CNTFR: variants seen among roughly 807,000 people sequenced by gnomAD.
The protein encoded by CNTFR is ciliary neurotrophic factor receptor subunit alpha.
Under a neutral mutation model 40.4 loss-of-function variants are expected in CNTFR, and 12 were observed. The ratio of observed to expected loss-of-function variants is 0.30; its 90% CI spans 0.19 to 0.48. The LOEUF (loss-of-function observed/expected upper bound fraction) is 0.48, where lower values mean the gene tolerates loss of function less well. CNTFR is among the 20% of genes least tolerant of loss of function. The pLI, the probability that CNTFR is intolerant of heterozygous loss-of-function variation, is 0.99. For synonymous variants in CNTFR, 202 were observed against 209.6 expected, an observed-to-expected ratio of 0.96 and a Z score of 0.31; for missense variants, 414 against 506.8, an observed-to-expected ratio of 0.82 and a Z score of 1.76.
In CNTFR at chr9:34,557,927, T is replaced by C. The variant is rs1473965376; in HGVS notation, c.377A>G (p.Tyr126Cys). Residue 126 changes from tyrosine to cysteine, a missense_variant, in exon 5 of 10, where the codon TAC becomes TGC. This residue lies in a region of CNTFR where 250 missense variants were observed against 269.5 expected (regional missense o/e 0.93). Transcript: ENST00000378980. This position sits in a 1 kb window ranked among gnomAD's most constrained non-coding sequence, Gnocchi z 4.2. ...GGGGGTGGGCAGATGCCAGCTGCAGTAGAAGCCCTTGGGGTAAGTGTTGGA... is the reference window on the plus strand; with the variant it reads ...GGGGGTGGGCAGATGCCAGCTGCAGCAGAAGCCCTTGGGGTAAGTGTTGGA... ...CRSNTYPKGF[Y>C]CSWHLPTPTY... 2.5e-6 allele frequency: 4 copies of C among 1,575,202 alleles called. No homozygotes were observed. In the Admixed American group the frequency reaches 5.4e-5, roughly 21 times the overall value.
intron 1 of CNTFR, among the ~76,000 whole-genome samples, chr9:34,583,958 G>A (rs914758103): frequency 1.3e-5 from 2 of 152,178 alleles, no homozygotes; most frequent in Admixed American, 6.5e-5. Context: ...GAGGGGCTAC[G>A]CAAAGACCTG....
At chr9:34,565,839 C>A (rs1300005391) in intron 3 of CNTFR, among the ~76,000 whole-genome samples, 1 of 152,010 alleles carries the variant, frequency 6.6e-6, no homozygotes, top group Non-Finnish European at 1.5e-5. Flanking sequence ...AGGACACCCC[C>A]TTCTCATCCT....
intron 1 of CNTFR, among the ~76,000 whole-genome samples, chr9:34,581,757 C>T (rs879447102): frequency 2.0e-5 from 3 of 152,176 alleles, no homozygotes; most frequent in Non-Finnish European, 4.4e-5. Flanking sequence ...TTCAAGGAGG[C>T]CTTGCCCAAT....
chr9:34,569,006 G>A, intron 2 of CNTFR, 25 bp from the exon 3 acceptor site: 3 of 1,562,498 alleles, frequency 1.9e-6, no homozygotes, highest in South Asian at 1.2e-5. Flanking sequence ...CGGGGTGGGG[G>A]AGGGGTCAGC....
At chr9:34,565,877 T>TC (rs1403413019) in intron 3 of CNTFR, among the ~76,000 whole-genome samples, 2 of 149,834 alleles carry the variant, frequency 1.3e-5, no homozygotes, top group East Asian at 4.0e-4. Flanking sequence ...GACAGACACT[T>TC]CCCAGGTCTT....
chr9:34,576,506 G>C (rs986358300), intron 2 of CNTFR, among the ~76,000 whole-genome samples: 1 of 152,210 alleles, frequency 6.6e-6, no homozygotes, highest in South Asian at 2.1e-4. Flanking sequence ...TTGCCTAGCC[G>C]TGCCTGAGGG....
At chr9:34,574,126 A>G (rs1826831206) in intron 2 of CNTFR, among the ~76,000 whole-genome samples, 1 of 146,770 alleles carries the variant, frequency 6.8e-6, no homozygotes, top group Non-Finnish European at 1.5e-5. Context: ...TGAGCGGTCC[A>G]GAGGCTTGGG....
At chr9:34,576,348 C>T (rs1051131899) in intron 2 of CNTFR, among the ~76,000 whole-genome samples, 8 of 152,184 alleles carry the variant, frequency 5.3e-5, no homozygotes, top group Admixed American at 2.6e-4. Flanking sequence ...TCACACACTC[C>T]GAACAGTCAA....
At chr9:34,554,930 C>T (rs925338994) in intron 7 of CNTFR, among the ~76,000 whole-genome samples, 3 of 152,354 alleles carry the variant, frequency 2.0e-5, no homozygotes, top group South Asian at 2.1e-4. Flanking sequence ...GTTCTCGCCA[C>T]GGAGCCTGCA....
chr9:34,585,403 C>T (rs1307925228), intron 1 of CNTFR, among the ~76,000 whole-genome samples: 5 of 152,174 alleles, frequency 3.3e-5, no homozygotes, highest in Non-Finnish European at 4.4e-5. Flanking sequence ...GACGGGCCCT[C>T]GAGCTGAACA....
intron 2 of CNTFR, among the ~76,000 whole-genome samples, chr9:34,580,548 C>A (rs953702716): frequency 6.6e-6 from 1 of 152,186 alleles, no homozygotes; most frequent in Non-Finnish European, 1.5e-5. Flanking sequence ...GGGCCTCTGG[C>A]GGGTTTTGGA....
intron 2 of CNTFR, among the ~76,000 whole-genome samples, chr9:34,576,909 C>G (rs1456870955): frequency 1.3e-5 from 2 of 152,206 alleles, no homozygotes; most frequent in African/African-American, 4.8e-5. Context: ...TAGCGGGCAC[C>G]CAGATGTCTG....
intron 7 of CNTFR, among the ~76,000 whole-genome samples, chr9:34,555,374 C>T (rs1216678554): frequency 6.6e-6 from 1 of 152,046 alleles, no homozygotes; most frequent in Non-Finnish European, 1.5e-5. Context: ...TACAAGTTGA[C>T]CCCCAGGAAC....
chr9:34,577,790 T>G (rs1213237794), intron 2 of CNTFR, among the ~76,000 whole-genome samples: 2 of 151,898 alleles, frequency 1.3e-5, no homozygotes, highest in Non-Finnish European at 2.9e-5. Context: ...TCCCAGTCCC[T>G]CCCACCGGCT....
intron 3 of CNTFR, among the ~76,000 whole-genome samples, chr9:34,567,215 G>C (rs1451690515): frequency 6.6e-6 from 1 of 152,042 alleles, no homozygotes; most frequent in African/African-American, 2.4e-5. Flanking sequence ...GGTGACAAAT[G>C]CTCCAAAGGA....
At chr9:34,584,730 G>GA in intron 1 of CNTFR, among the ~76,000 whole-genome samples, 1 of 152,072 alleles carries the variant, frequency 6.6e-6, no homozygotes, top group South Asian at 2.1e-4. Context: ...ACCACATAGG[G>GA]AAAAAAGGAC....
intron 1 of CNTFR, among the ~76,000 whole-genome samples, chr9:34,583,412 C>T (rs1827406262): frequency 6.6e-6 from 1 of 152,198 alleles, no homozygotes; most frequent in Non-Finnish European, 1.5e-5. Flanking sequence ...CTGGCTAAGT[C>T]TCCATCCACA....
In CNTFR at chr9:34,589,401, T is replaced by G. The variant is rs1827683515; in HGVS notation, c.-112+154A>C. Among the ~76,000 whole-genome samples the G allele has an allele frequency of 6.6e-6, 1 of 150,838 alleles. No homozygotes were observed. Among genetic ancestry groups the G allele is most frequent in the South Asian group, 2.1e-4 (1 of 4,774 alleles). ...CCTCCAGCGCCCCCGCCCCCGAGTT[T>G]GCAGGCAAAGTTTCTCGTGAACTTT... On this transcript the variant is annotated intron_variant, in intron 1 of 9. Coordinates refer to ENST00000378980, the MANE Select transcript of CNTFR (RefSeq NM_147164.3). This position sits in a 1 kb window ranked among gnomAD's most constrained non-coding sequence, Gnocchi z 4.4.
At chr9:34,565,223 C>T (rs569197968) in intron 3 of CNTFR, among the ~76,000 whole-genome samples, 36 of 152,150 alleles carry the variant, frequency 2.4e-4, no homozygotes, top group Middle Eastern at 3.4e-3. Flanking sequence ...GATCTCTTGC[C>T]ACCCACAGGC....
Sources: allele counts gnomAD v4.1 joint callset (sites outside exome capture counted in the v4.1 genomes callset), GRCh38; gene constraint gnomAD v4.1.1; regional missense constraint gnomAD v4.1.1; non-coding constraint Gnocchi (gnomAD v3.1); transcripts MANE v1.5; gene names NCBI Gene and HGNC (gene_info 2026-07-23, HGNC 2026-07-21).